The following INTS1 variants were observed in gnomAD, a reference collection of about 807,000 sequenced individuals.
The protein encoded by INTS1 is integrator complex subunit 1.
In INTS1, 137 loss-of-function variants were observed where a neutral mutation model predicts 241.6. That is an observed-to-expected ratio of 0.57 (90% CI 0.49 to 0.65). The LOEUF (loss-of-function observed/expected upper bound fraction) is 0.65. INTS1 is among the 30% of genes least tolerant of loss of function. The pLI, the probability that INTS1 is intolerant of heterozygous loss-of-function variation, is 0.00. For synonymous variants in INTS1, 1,692 were observed against 1,337.8 expected (o/e 1.26, Z -5.78); for missense variants, 3,073 against 3,032.2 (o/e 1.01, Z -0.32).
rs1239016299 is a variant in INTS1 at position 1,473,631 on chromosome 7, A to G, written c.5892T>C (p.His1964=). 6.2e-7 allele frequency: 1 copy of G among 1,613,284 alleles called. No individual in the cohort carries two copies. The highest frequency in any genetic ancestry group is 8.5e-7 in the Non-Finnish European group (1 of 1,179,736). The change falls in exon 42 of 48, where the codon CAT becomes CAC. Residue 1964 remains histidine, a synonymous_variant. Coordinates refer to ENST00000404767, the MANE Select transcript of INTS1 (RefSeq NM_001080453.3). The stretch of plus-strand genomic sequence containing the variant: ...CTGGGGCATTGTAGGTAATGTACTT[A>G]TGGATGAACTGCACAAACTTGTTGA... ...AFINKFVQFI[H]KYITYNAPAA... is the part of the protein sequence containing the mutation.
At chr7:1,498,930 G>GCCCCCCCCCCCCGCCC in intron 8 of INTS1, 45 bp downstream of exon 8, 1 of 1,460,190 alleles carries the variant, frequency 6.8e-7, no homozygotes, top group Non-Finnish European at 9.3e-7. Flanking sequence ...CACAGAGCCT[G>GCCCCCCCCCCCCGCCC]CCCCCACCCC....
chr7:1,471,538 C>A (rs370249809), intron 45 of INTS1, 33 bp downstream of exon 45: 4 of 1,606,578 alleles, frequency 2.5e-6, no homozygotes, highest in Non-Finnish European at 3.4e-6. Flanking sequence ...GGAGTGGCTC[C>A]TCCCAGCTCT....
chr7:1,478,560 TATCCC>T, intron 32 of INTS1, 54 bp from the exon 33 acceptor site: 1 of 1,578,104 alleles, frequency 6.3e-7, no homozygotes, highest in Non-Finnish European at 8.6e-7. Context: ...CCCATCGGTG[TATCCC>T]ATCCAGGGAG....
At chr7:1,487,505 A>G (rs1782330501) in intron 19 of INTS1, 56 bp from the exon 20 acceptor site, 2 of 1,573,068 alleles carry the variant, frequency 1.3e-6, no homozygotes, top group Admixed American at 3.6e-5. Flanking sequence ...TCACCCCCAG[A>G]ACCCCTCCTC....
In INTS1 at chr7:1,500,307, T is replaced by G; in HGVS notation, c.409A>C (p.Arg137=). Residue 137 remains arginine (R), a synonymous_variant, in exon 4 of 48, where the codon AGG becomes CGG. Transcript: ENST00000404767. The part of the protein sequence containing the change: ...EAAELEGNDD[R]IEGVLCGAVK... ...GCCCCGCACAGCACGCCCTCGATCC[T>G]GTCATCGTTGCCCTCCAGCTCGGCC... The G allele has an allele frequency of 6.3e-7, 1 of 1,593,624 alleles. No individual in the cohort carries two copies. Among genetic ancestry groups the G allele is most frequent in the Non-Finnish European group, 8.6e-7 (1 of 1,168,440 alleles).
At chr7:1,480,245 C>T (rs761014343) in intron 30 of INTS1, 72 bp downstream of exon 30, 284 of 1,506,400 alleles carry the variant, frequency 1.9e-4, no homozygotes, top group Non-Finnish European at 2.3e-4. Context: ...GCTGTGCGTG[C>T]GAGGCGGCAG....
chr7:1,496,085 G>C, intron 12 of INTS1, 71 bp downstream of exon 12: 1 of 1,251,822 alleles, frequency 8.0e-7, no homozygotes, highest in Admixed American at 1.8e-5. Context: ...TGCAGCCTCG[G>C]AGAGCCGCCA....
rs1402439579 is a variant in INTS1, at chr7:1,483,871, G to C, written c.3430-18C>G. ...GACTCCGACTGTGGGAAAAGAGGTG[G>C]AGTCAGGCCGTAAGGTTCAGGGACC... On this transcript the variant is annotated intron_variant, in intron 25 of 47. Transcript: ENST00000404767. The C allele has an allele frequency of 6.2e-7, 1 of 1,603,668 alleles. No homozygotes were observed.
intron 4 of INTS1, 58 bp from the exon 5 acceptor site, chr7:1,500,079 G>A: frequency 6.3e-7 from 1 of 1,599,860 alleles, no homozygotes; most frequent in South Asian, 1.1e-5. Flanking sequence ...GCAAAGCTGG[G>A]GTGGGCCGGG....
intron 3 of INTS1, among the ~76,000 whole-genome samples, chr7:1,501,776 G>A (rs1426103586): frequency 1.3e-5 from 2 of 152,138 alleles, no homozygotes; most frequent in Non-Finnish European, 1.5e-5. Context: ...ATCCTGGGCC[G>A]TTTGCCCCCA....
chr7:1,487,296 A>C, intron 20 of INTS1, 24 bp downstream of exon 20: 1 of 1,568,690 alleles, frequency 6.4e-7, no homozygotes. Flanking sequence ...CACCATCTCT[A>C]CCTCCTGGAG....
rs747738723 is a variant in INTS1, at chr7:1,486,962, T to A, written c.2786A>T (p.Asp929Val). Residue 929 changes from aspartate to valine, a missense_variant, in exon 21 of 48, where the codon GAC (aspartate) becomes GTC (valine). Transcript: ENST00000404767. ...VDDAASGEEDDEGESKEQKAK... is the reference protein window; with the variant it reads ...VDDAASGEEDVEGESKEQKAK... ...CTTCTGCTCCTTGCTCTCGCCCTCG[T>A]CGTCCTCCTCCCCGGAAGCAGCATC... 6.2e-7 allele frequency: 1 copy of A among 1,607,932 alleles called. No homozygotes were observed. Among genetic ancestry groups the A allele is most frequent in the South Asian group, 1.1e-5 (1 of 90,846 alleles).
intron 24 of INTS1, 70 bp from the exon 25 acceptor site, chr7:1,484,240 C>T (rs1267764884): frequency 9.4e-6 from 14 of 1,487,174 alleles, no homozygotes; most frequent in Admixed American, 5.5e-5. Context: ...GGGGTGACCT[C>T]GTCGCAGGCA....
At chr7:1,487,157 C>T in intron 20 of INTS1, 56 bp from the exon 21 acceptor site, 2 of 1,528,466 alleles carry the variant, frequency 1.3e-6, no homozygotes, top group Non-Finnish European at 8.8e-7. Context: ...CACCTGCCGC[C>T]AGCCCCCCGG....
intron 10 of INTS1, 28 bp downstream of exon 10, chr7:1,498,384 A>G: frequency 6.2e-7 from 1 of 1,612,186 alleles, no homozygotes; most frequent in Non-Finnish European, 8.5e-7. Flanking sequence ...TCCGGCGTGG[A>G]GGGCAAGGCC....
intron 16 of INTS1, among the ~76,000 whole-genome samples, chr7:1,491,010 C>A (rs1260007706): frequency 1.3e-5 from 2 of 152,222 alleles, no homozygotes; most frequent in Non-Finnish European, 2.9e-5. Flanking sequence ...GCCCTCTCAA[C>A]AACAGTGCTG....
At position 1,489,395 on chromosome 7, in the gene INTS1, G is replaced by A. The variant is rs377651292; in HGVS notation, c.2267C>T (p.Ala756Val). Residue 756 changes from alanine (A) to valine (V), a missense_variant, in exon 18 of 48, where the codon GCG becomes GTG. By Grantham distance (64) the Ala-to-Val change is moderately conservative (BLOSUM62 0). Coordinates refer to ENST00000404767, the MANE Select transcript of INTS1 (RefSeq NM_001080453.3). The part of the protein sequence containing the change: ...AFNPENIGLA[A>V]WEEYPTLKML... ...CTTCAGGGTCGGGTACTCCTCCCAC[G>A]CAGCCAGGCCTAGGGAACCGGAGGG... 7 of 1,012,594 alleles carry A rather than the reference G, an allele frequency of 6.9e-6. No homozygotes were observed. The highest frequency in any genetic ancestry group is 1.1e-4 in the East Asian group (1 of 9,048). The allele number at this position is 1,012,594 out of a possible 1,614,324, so 62.7% of individuals were successfully genotyped here.
In INTS1 at chr7:1,470,635, T is replaced by G; in HGVS notation, c.6515A>C (p.Asp2172Ala). ...GGCCTCGGAGATCTGCGCGCTGGGG[T>G]CCATCTGGCCGTACATGCCCACCAG... is the stretch of plus-strand genomic sequence containing the variant. Reference protein sequence around the residue: ...AFLVGMYGQMDPSAQISEALR... With the variant: ...AFLVGMYGQMAPSAQISEALR... The change falls in exon 48 of 48, where the codon GAC (aspartate) becomes GCC (alanine). Residue 2172 changes from aspartate to alanine, a missense_variant. Coordinates refer to ENST00000404767, the MANE Select transcript of INTS1 (RefSeq NM_001080453.3). The G allele has an allele frequency of 6.3e-7, 1 of 1,587,600 alleles. No individual in the cohort carries two copies.
At chr7:1,498,941 C>CGG in intron 8 of INTS1, 34 bp downstream of exon 8, 6 of 1,344,072 alleles carry the variant, frequency 4.5e-6, no homozygotes, top group Non-Finnish European at 6.1e-6. Flanking sequence ...CCCCCACCCC[C>CGG]TGCCCCGCCC....
Sources: allele counts gnomAD v4.1 joint callset (sites outside exome capture counted in the v4.1 genomes callset), GRCh38; gene constraint gnomAD v4.1.1; transcripts MANE v1.5; gene names NCBI Gene and HGNC (gene_info 2026-07-23, HGNC 2026-07-21).